MACROD2: variants seen among roughly 807,000 people sequenced by gnomAD.
MACROD2 encodes mono-ADP ribosylhydrolase 2, also known as ADP-ribose glycohydrolase MACROD2.
MACROD2 carries 36 observed loss-of-function variants against 70.4 expected under a neutral mutation model. That is an observed-to-expected ratio of 0.51 (90% confidence interval 0.39 to 0.68). MACROD2 has a LOEUF of 0.68. MACROD2 is among the 30% of genes least tolerant of loss of function. The probability of loss-of-function intolerance (pLI) is 0.00; values close to 1 mark genes in which losing one functional copy is unlikely to be tolerated. For missense variants in MACROD2, 496 were observed against 538.4 expected, an observed-to-expected ratio of 0.92 and a Z score of 0.78; for synonymous variants, 172 against 178.8, an observed-to-expected ratio of 0.96 and a Z score of 0.30.
intron 15 of MACROD2, among the ~76,000 whole-genome samples, chr20:16,039,365 C>G (rs912538307): frequency 1.3e-5 from 2 of 151,804 alleles, no homozygotes; most frequent in African/African-American, 2.4e-5. Context: ...CTTTTATTAA[C>G]TGTCTGTTAA....
intron 6 of MACROD2, among the ~76,000 whole-genome samples, chr20:15,332,691 C>T (rs961250859): frequency 1.3e-5 from 2 of 151,604 alleles, no homozygotes; most frequent in South Asian, 2.1e-4. Flanking sequence ...GGTCTTCTTA[C>T]GTCAGCATTT....
chr20:14,494,414 AC>A (rs1349529048), intron 4 of MACROD2, among the ~76,000 whole-genome samples: 4 of 152,128 alleles, frequency 2.6e-5, no homozygotes, highest in Admixed American at 2.6e-4. Context: ...CTCTGTAAGA[AC>A]AGTTGATTTT....
chr20:15,210,983 A>G (rs1036494294), intron 5 of MACROD2, among the ~76,000 whole-genome samples: 7 of 152,320 alleles, frequency 4.6e-5, no homozygotes, highest in African/African-American at 1.7e-4. Flanking sequence ...TTTCAAACGT[A>G]CAATTCAGTG....
chr20:14,785,133 ACTGT>A (rs1233548464), intron 5 of MACROD2, among the ~76,000 whole-genome samples: 12 of 151,790 alleles, frequency 7.9e-5, no homozygotes, highest in African/African-American at 9.7e-5. Context: ...CAGTCAGAAA[ACTGT>A]CTGTCTCTCC....
intron 5 of MACROD2, among the ~76,000 whole-genome samples, chr20:15,051,469 G>A (rs569007769): frequency 6.6e-6 from 1 of 151,560 alleles, no homozygotes; most frequent in African/African-American, 2.4e-5. Context: ...AGGGCAGGCA[G>A]GACAGCGGGA....
intron 8 of MACROD2, among the ~76,000 whole-genome samples, chr20:15,627,248 A>C (rs1373613272): frequency 2.1e-5 from 3 of 145,720 alleles, no homozygotes; most frequent in African/African-American, 7.8e-5. Flanking sequence ...AAAAAAAAAA[A>C]CTGGGACCAT....
intron 12 of MACROD2, among the ~76,000 whole-genome samples, chr20:15,940,295 C>A (rs2065733653): frequency 6.6e-6 from 1 of 150,840 alleles, no homozygotes; most frequent in South Asian, 2.1e-4. Flanking sequence ...GGGGTTTCAC[C>A]ATGTTATTCA....
intron 5 of MACROD2, among the ~76,000 whole-genome samples, chr20:14,707,010 T>A (rs2123652643): frequency 6.6e-6 from 1 of 152,338 alleles, no homozygotes; most frequent in East Asian, 1.9e-4. Flanking sequence ...CTTTTTCCGC[T>A]TCCCTTCTTA....
chr20:14,106,450 G>C (rs1601230866), intron 3 of MACROD2, among the ~76,000 whole-genome samples: 2 of 152,182 alleles, frequency 1.3e-5, no homozygotes, highest in African/African-American at 4.8e-5. Context: ...TTTGACTACA[G>C]TCCTTGGATC....
chr20:14,146,959 A>G (rs1369312006), intron 3 of MACROD2, among the ~76,000 whole-genome samples: 1 of 152,170 alleles, frequency 6.6e-6, no homozygotes. Context: ...TTGTATGTAT[A>G]TAGTAAGTTC....
intron 5 of MACROD2, among the ~76,000 whole-genome samples, chr20:15,054,619 C>T (rs2075468624): frequency 6.6e-6 from 1 of 152,094 alleles, no homozygotes. Flanking sequence ...ATGTGTGTGA[C>T]TCATTTTATT....
intron 5 of MACROD2, among the ~76,000 whole-genome samples, chr20:15,027,865 G>C (rs1216413839): frequency 1.3e-5 from 2 of 152,128 alleles, no homozygotes; most frequent in African/African-American, 4.8e-5. Context: ...TGAATAAACT[G>C]TGTGTTGTCT....
chr20:14,850,701 A>T (rs1339935831), intron 5 of MACROD2, among the ~76,000 whole-genome samples: 1 of 152,166 alleles, frequency 6.6e-6, no homozygotes, highest in African/African-American at 2.4e-5. Context: ...AGCTGACTCC[A>T]CACAGCAGAA....
chr20:14,909,438 A>G (rs144166894), intron 5 of MACROD2, among the ~76,000 whole-genome samples: 25 of 152,196 alleles, frequency 1.6e-4, no homozygotes, highest in African/African-American at 5.8e-4. Flanking sequence ...GGTCGGGTAA[A>G]TTATTACCTG....
At chr20:14,162,863 A>T (rs929345368) in intron 3 of MACROD2, among the ~76,000 whole-genome samples, 1 of 152,062 alleles carries the variant, frequency 6.6e-6, no homozygotes, top group Non-Finnish European at 1.5e-5. Context: ...TATTTAATCC[A>T]TTTACATTCA....
At chr20:15,635,637 T>C (rs537864773) in intron 8 of MACROD2, among the ~76,000 whole-genome samples, 1 of 152,304 alleles carries the variant, frequency 6.6e-6, no homozygotes, top group East Asian at 1.9e-4. Flanking sequence ...TATTGGGTAC[T>C]GTGCTCACAA....
chr20:14,178,365 TGAG>T (rs146110989), intron 3 of MACROD2, among the ~76,000 whole-genome samples: 4,327 of 152,270 alleles, frequency 0.028, 65 homozygotes, highest in African/African-American at 0.036. Context: ...TTTTTAAAAA[TGAG>T]GAACATATCT....
At chr20:15,175,841 C>T (rs528710132) in intron 5 of MACROD2, among the ~76,000 whole-genome samples, 11 of 152,310 alleles carry the variant, frequency 7.2e-5, no homozygotes, top group South Asian at 2.1e-4. Flanking sequence ...CAGGAACAGG[C>T]GGGAGCCCCA....
chr20:15,478,151 G>T (rs1000169655), intron 7 of MACROD2, among the ~76,000 whole-genome samples: 2 of 152,190 alleles, frequency 1.3e-5, no homozygotes, highest in South Asian at 4.1e-4. Context: ...TTATAGGGGG[G>T]TTGTTACAGC....
Sources: gnomAD v4.1 joint callset for allele counts (sites outside exome capture counted in the v4.1 genomes callset) on GRCh38, gnomAD v4.1.1 for gene constraint, MANE v1.5 for transcripts, NCBI Gene and HGNC (gene_info 2026-07-23, HGNC 2026-07-21) for gene names.